Variants in PRKCH observed in about 807,000 individuals in gnomAD.
The protein encoded by PRKCH is protein kinase C eta type.
PRKCH carries 28 observed loss-of-function variants against 82.5 expected under a neutral mutation model. The observed-to-expected ratio is 0.34, with a 90% CI of 0.25 to 0.47. The LOEUF (loss-of-function observed/expected upper bound fraction) is 0.47, where lower values mean the gene tolerates loss of function less well. Ranked by LOEUF, PRKCH falls within the 20% of genes least tolerant of loss-of-function variation. The pLI is 1.00. For missense variants in PRKCH, 705 were observed against 881.8 expected, an observed-to-expected ratio of 0.80 and a Z score of 2.54; for synonymous variants, 322 against 327.4, an observed-to-expected ratio of 0.98 and a Z score of 0.18.
At chr14:61,441,071 A>AT (rs1460724025) in intron 2 of PRKCH, among the ~76,000 whole-genome samples, 2 of 134,012 alleles carry the variant, frequency 1.5e-5, no homozygotes, top group African/African-American at 5.5e-5. Context: ...TTTTTTTAAA[A>AT]TTTTTTTTGG....
At chr14:61,213,361 G>A (rs1230110403) in intron 1 of PRKCH, among the ~76,000 whole-genome samples, 3 of 152,098 alleles carry the variant, frequency 2.0e-5, no homozygotes, top group Non-Finnish European at 2.9e-5. Context: ...ACATTCCAAG[G>A]TCTATAAAAT....
chr14:61,469,250 T>A (rs1885393764), intron 9 of PRKCH, among the ~76,000 whole-genome samples: 2 of 152,202 alleles, frequency 1.3e-5, no homozygotes, highest in Admixed American at 1.3e-4. Flanking sequence ...AACAGTTTTT[T>A]AAAAACTCAT....
chr14:61,378,440 AAG>A, intron 1 of PRKCH, among the ~76,000 whole-genome samples: 1 of 152,010 alleles, frequency 6.6e-6, no homozygotes, highest in Non-Finnish European at 1.5e-5. Flanking sequence ...CTCTGGCCTC[AAG>A]TGATCTTCCT....
At chr14:61,430,792 T>C (rs1206843242) in intron 2 of PRKCH, among the ~76,000 whole-genome samples, 1 of 151,798 alleles carries the variant, frequency 6.6e-6, no homozygotes, top group African/African-American at 2.4e-5. Context: ...TCTTGCTCTG[T>C]TGCCCAGGCT....
intron 1 of PRKCH, among the ~76,000 whole-genome samples, chr14:61,193,821 G>A (rs1302632207): frequency 6.6e-6 from 1 of 152,146 alleles, no homozygotes; most frequent in East Asian, 1.9e-4. Context: ...CAGAAAGCTC[G>A]CCTGATAATA....
intron 1 of PRKCH, among the ~76,000 whole-genome samples, chr14:61,307,744 A>T (rs1441869133): frequency 6.6e-6 from 1 of 152,232 alleles, no homozygotes; most frequent in Non-Finnish European, 1.5e-5. Flanking sequence ...ATCTCAAAGT[A>T]ATGATGGCCA....
In PRKCH at chr14:61,288,300, G is replaced by C. The variant is rs116188054; in HGVS notation, c.-19+100632G>C. On this transcript the variant is annotated intron_variant, in intron 1 of 3. Transcript: ENST00000555185. ...TGTAGAAAGAGAGTCTAGCTCTGTT[G>C]CCCAGGCTGGTCTTGAACTCCTGAA... 6.3e-3 allele frequency among the ~76,000 whole-genome samples: 951 copies of C among 152,102 alleles called. 8 individuals carry two copies. Among genetic ancestry groups the C allele is most frequent in the African/African-American group, 0.022 (913 of 41,490 alleles).
chr14:61,215,846 G>T (rs958500496), intron 1 of PRKCH, among the ~76,000 whole-genome samples: 1 of 152,116 alleles, frequency 6.6e-6, no homozygotes, highest in African/African-American at 2.4e-5. Flanking sequence ...CCAAAGAATG[G>T]GTCCCATTCT....
At chr14:61,353,517 A>G (rs753104797) in intron 1 of PRKCH, 2 of 152,234 alleles carry the variant, frequency 1.3e-5, no homozygotes, top group Non-Finnish European at 2.9e-5. Flanking sequence ...ACGAAAAGGA[A>G]TATGTGATCG....
intron 1 of PRKCH, among the ~76,000 whole-genome samples, chr14:61,272,332 TCTTTTTTCTTTC>T (rs2045162156): frequency 7.7e-6 from 1 of 129,568 alleles, no homozygotes; most frequent in African/African-American, 2.9e-5. Context: ...CTTTTTCTTT[TCTTTTTTCTTTC>T]TTTTTTTTTT....
At chr14:61,463,945 G>A (rs1027304104) in intron 9 of PRKCH, among the ~76,000 whole-genome samples, 5 of 152,174 alleles carry the variant, frequency 3.3e-5, no homozygotes, top group African/African-American at 4.8e-5. Flanking sequence ...TATATATTCC[G>A]TTGTTTCTTT....
chr14:61,544,732 A>G (rs2043232222), intron 12 of PRKCH: 1 of 152,182 alleles, frequency 6.6e-6, no homozygotes, highest in Non-Finnish European at 1.5e-5. Context: ...TACTACTAAC[A>G]CTGCTACTAA....
chr14:61,343,940 G>A (rs2045959832), intron 1 of PRKCH, among the ~76,000 whole-genome samples: 2 of 152,290 alleles, frequency 1.3e-5, no homozygotes, highest in South Asian at 4.1e-4. Flanking sequence ...TGTTTATGCT[G>A]CACAAGGCCT....
At chr14:61,188,514 C>A (rs1163955144) in intron 1 of PRKCH, among the ~76,000 whole-genome samples, 1 of 151,466 alleles carries the variant, frequency 6.6e-6, no homozygotes, top group African/African-American at 2.4e-5. Flanking sequence ...CCCCTCCGGG[C>A]GCCTCCCGGC....
intron 9 of PRKCH, among the ~76,000 whole-genome samples, chr14:61,484,896 T>A (rs1011268526): frequency 1.7e-4 from 26 of 151,886 alleles, no homozygotes; most frequent in African/African-American, 5.1e-4. Flanking sequence ...ATTTTTTTTT[T>A]ATTTTTTTGT....
At chr14:61,528,815 A>C (rs566620215) in intron 10 of PRKCH, 53 of 280,114 alleles carry the variant, frequency 1.9e-4, no homozygotes, top group Non-Finnish European at 2.2e-4. Flanking sequence ...AGGACAGCCT[A>C]CATTTTCCTG....
chr14:61,381,769 G>T (rs1406340639), intron 1 of PRKCH, among the ~76,000 whole-genome samples: 1 of 152,242 alleles, frequency 6.6e-6, no homozygotes, highest in African/African-American at 2.4e-5. Flanking sequence ...GGTGCTAGTG[G>T]CACGAGTCTT....
intron 10 of PRKCH, among the ~76,000 whole-genome samples, chr14:61,505,146 G>A (rs573578258): frequency 2.4e-4 from 36 of 152,272 alleles, no homozygotes; most frequent in African/African-American, 8.2e-4. Context: ...ATTGCTGAAT[G>A]TCTGAAGTAT....
intron 2 of PRKCH, among the ~76,000 whole-genome samples, chr14:61,433,518 C>T (rs954114185): frequency 6.6e-6 from 1 of 152,132 alleles, no homozygotes; most frequent in Admixed American, 6.5e-5. Context: ...GGAAGATCAA[C>T]CTGGGCTTGA....
Sources: allele counts gnomAD v4.1 joint callset (sites outside exome capture counted in the v4.1 genomes callset), GRCh38; gene constraint gnomAD v4.1.1; transcripts MANE v1.5; gene names NCBI Gene and HGNC (gene_info 2026-07-23, HGNC 2026-07-21).